Variants in SH3PXD2A observed in about 807,000 individuals in gnomAD.
SH3PXD2A encodes the protein SH3 and PX domains 2A, also known as SH3 and PX domain-containing protein 2A.
Under a neutral mutation model 115.2 loss-of-function variants are expected in SH3PXD2A, and 32 were observed. The ratio of observed to expected loss-of-function variants is 0.28; its 90% CI spans 0.21 to 0.37. SH3PXD2A has a LOEUF of 0.37. Ranked by LOEUF, SH3PXD2A falls within the 10% of genes least tolerant of loss-of-function variation. The pLI is 1.00. For missense variants in SH3PXD2A, 1,328 were observed against 1,498.7 expected, an observed-to-expected ratio of 0.89 and a Z score of 1.88; for synonymous variants, 610 against 629.1, an observed-to-expected ratio of 0.97 and a Z score of 0.45.
At chr10:103,843,705 C>T (rs1057091995) in intron 1 of SH3PXD2A, among the ~76,000 whole-genome samples, 1 of 152,122 alleles carries the variant, frequency 6.6e-6, no homozygotes, top group Admixed American at 6.5e-5. Flanking sequence ...GGGTTTTATC[C>T]AGGACCTATG....
intron 5 of SH3PXD2A, among the ~76,000 whole-genome samples, chr10:103,701,182 T>C (rs1359416731): frequency 8.5e-6 from 1 of 117,976 alleles, no homozygotes; most frequent in Non-Finnish European, 1.7e-5. Context: ...CCATCCACCA[T>C]CCATCCATCC....
intron 4 of SH3PXD2A, among the ~76,000 whole-genome samples, chr10:103,731,968 A>G (rs1200548561): frequency 1.3e-5 from 2 of 152,210 alleles, no homozygotes; most frequent in Admixed American, 6.5e-5. Flanking sequence ...CCCTCCTACA[A>G]AGAAAGCCAT....
At chr10:103,686,577 CT>C (rs1328937348) in intron 6 of SH3PXD2A, among the ~76,000 whole-genome samples, 1 of 152,212 alleles carries the variant, frequency 6.6e-6, no homozygotes, top group East Asian at 1.9e-4. Flanking sequence ...CACAAAACCC[CT>C]CAAAGGGCAT....
intron 1 of SH3PXD2A, among the ~76,000 whole-genome samples, chr10:103,826,657 G>T (rs1350573225): frequency 1.3e-5 from 2 of 152,182 alleles, no homozygotes; most frequent in Non-Finnish European, 2.9e-5. Context: ...AGGTCCCGGA[G>T]CACATTTTAG....
At chr10:103,645,919 CAG>C in intron 8 of SH3PXD2A, among the ~76,000 whole-genome samples, 1 of 152,322 alleles carries the variant, frequency 6.6e-6, no homozygotes, top group Non-Finnish European at 1.5e-5. Context: ...CAAGAGGCAG[CAG>C]AGTGTACAGG....
chr10:103,825,120 C>A (rs79916473), intron 1 of SH3PXD2A, among the ~76,000 whole-genome samples: 1 of 151,914 alleles, frequency 6.6e-6, no homozygotes, highest in East Asian at 1.9e-4. Flanking sequence ...TAAACCTCTA[C>A]AAATGCATTC....
intron 6 of SH3PXD2A, 116 bp from the exon 7 acceptor site, chr10:103,668,768 G>C: frequency 1.1e-6 from 1 of 923,404 alleles, no homozygotes; most frequent in Non-Finnish European, 1.7e-6. Flanking sequence ...GGCCAGCCGC[G>C]GGCGGAAGGC....
chr10:103,674,361 C>T (rs1163370730), intron 6 of SH3PXD2A, among the ~76,000 whole-genome samples: 3 of 152,182 alleles, frequency 2.0e-5, no homozygotes, highest in African/African-American at 4.8e-5. Context: ...ACAGGGTTAT[C>T]GGTCCTTTAC....
intron 1 of SH3PXD2A, among the ~76,000 whole-genome samples, chr10:103,849,339 G>A (rs996215662): frequency 3.9e-5 from 6 of 152,190 alleles, no homozygotes; most frequent in Non-Finnish European, 8.8e-5. Context: ...CTACCTAACC[G>A]CATGGGGTTG....
intron 1 of SH3PXD2A, among the ~76,000 whole-genome samples, chr10:103,838,452 G>C (rs145774803): frequency 3.2e-3 from 483 of 152,320 alleles, no homozygotes; most frequent in African/African-American, 0.011. Flanking sequence ...AGGCCACACA[G>C]CAATAAATGG....
At chr10:103,642,771 T>C (rs1199807589) in intron 8 of SH3PXD2A, among the ~76,000 whole-genome samples, 1 of 152,164 alleles carries the variant, frequency 6.6e-6, no homozygotes, top group Non-Finnish European at 1.5e-5. Context: ...AGATTATCCT[T>C]ATCCATTTAA....
intron 6 of SH3PXD2A, among the ~76,000 whole-genome samples, chr10:103,675,634 G>C (rs976624072): frequency 2.6e-5 from 4 of 152,152 alleles, no homozygotes; most frequent in African/African-American, 9.7e-5. Flanking sequence ...AATTATACCA[G>C]TTTCCACTTA....
intron 1 of SH3PXD2A, among the ~76,000 whole-genome samples, chr10:103,825,894 G>A (rs571903583): frequency 1.3e-5 from 2 of 151,552 alleles, no homozygotes; most frequent in African/African-American, 4.9e-5. Context: ...CTCCTGAGTA[G>A]CTGGGACTAC....
At chr10:103,781,336 C>A (rs907301396) in intron 2 of SH3PXD2A, among the ~76,000 whole-genome samples, 2 of 152,180 alleles carry the variant, frequency 1.3e-5, no homozygotes, top group African/African-American at 4.8e-5. Flanking sequence ...ACAGAATCTC[C>A]CTGCAGTCCT....
chr10:103,603,682 G>A lies in SH3PXD2A; in HGVS notation c.1536C>T (p.Arg512=), dbSNP rs373853047. The A allele has an allele frequency of 1.9e-6, 3 of 1,608,504 alleles. No homozygotes were observed. In the African/African-American group the frequency reaches 4.0e-5, roughly 21 times the overall value. Residue 512 remains arginine (R), a synonymous_variant, in exon 15 of 15, where the codon CGC becomes CGT. Transcript: ENST00000369774. The part of the protein sequence containing the change: ...IDKRKKPNLS[R]RTSTLTRPKV... ...TGGGCCGGGTCAGCGTGCTTGTGCG[G>A]CGGCTCAGGTTGGGCTTCTTGCGCT...
intron 3 of SH3PXD2A, among the ~76,000 whole-genome samples, chr10:103,766,848 A>T (rs897396663): frequency 1.8e-4 from 28 of 152,208 alleles, no homozygotes; most frequent in African/African-American, 6.5e-4. Flanking sequence ...CAGGAGCCTG[A>T]GAAACTCCTC....
intron 1 of SH3PXD2A, among the ~76,000 whole-genome samples, chr10:103,825,832 C>T (rs1035400716): frequency 1.3e-5 from 2 of 149,032 alleles, no homozygotes; most frequent in African/African-American, 2.5e-5. Context: ...GGCGCAATCT[C>T]AGCTCACCGC....
chr10:103,831,675 TTAAC>T (rs1312636977), intron 1 of SH3PXD2A, among the ~76,000 whole-genome samples: 3 of 152,168 alleles, frequency 2.0e-5, no homozygotes, highest in African/African-American at 7.2e-5. Flanking sequence ...ATTTAATTAA[TTAAC>T]TAATTAAAGT....
At chr10:103,663,036 C>G (rs949489811) in intron 7 of SH3PXD2A, among the ~76,000 whole-genome samples, 1 of 152,076 alleles carries the variant, frequency 6.6e-6, no homozygotes, top group Non-Finnish European at 1.5e-5. Flanking sequence ...AACTCCTGGG[C>G]TCAAGTGATC....
Sources: gnomAD v4.1 joint callset for allele counts (sites outside exome capture counted in the v4.1 genomes callset) on GRCh38, gnomAD v4.1.1 for gene constraint, MANE v1.5 for transcripts, NCBI Gene and HGNC (gene_info 2026-07-23, HGNC 2026-07-21) for gene names.